The following WASF3 variants were observed in gnomAD, a reference collection of about 807,000 sequenced individuals.
WASF3 encodes WASP family member 3.
WASF3 carries 11 observed loss-of-function variants against 46.6 expected under a neutral mutation model. The observed-to-expected ratio is 0.24, with a 90% CI of 0.15 to 0.39. The LOEUF is 0.39. Ranked by LOEUF, WASF3 falls within the 10% of genes least tolerant of loss-of-function variation. The pLI, the probability that WASF3 is intolerant of heterozygous loss-of-function variation, is 1.00. For synonymous variants in WASF3, 242 were observed against 259.7 expected (o/e 0.93, Z 0.65); for missense variants, 576 against 669.8 (o/e 0.86, Z 1.55).
At chr13:26,628,519 G>A (rs1454042710) in intron 2 of WASF3, among the ~76,000 whole-genome samples, 2 of 152,140 alleles carry the variant, frequency 1.3e-5, no homozygotes, top group African/African-American at 4.8e-5. Flanking sequence ...TGCCAAGGTA[G>A]GATTACAAGT....
chr13:26,680,046 C>A, intron 7 of WASF3: 1 of 1,596,722 alleles, frequency 6.3e-7, no homozygotes, highest in South Asian at 1.1e-5. Context: ...GAGAGAAACA[C>A]AAGCTGAACC....
At chr13:26,649,398 AAAAATTTATTG>A (rs1447529917) in intron 3 of WASF3, among the ~76,000 whole-genome samples, 1 of 152,240 alleles carries the variant, frequency 6.6e-6, no homozygotes, top group African/African-American at 2.4e-5. Flanking sequence ...AGTAGTTATG[AAAAATTTATTG>A]AAGGGGCATC....
At chr13:26,632,958 A>T (rs535424214) in intron 2 of WASF3, among the ~76,000 whole-genome samples, 14 of 152,202 alleles carry the variant, frequency 9.2e-5, no homozygotes, top group African/African-American at 3.1e-4. Context: ...GTTTATTTCC[A>T]TAGAGGTGTT....
chr13:26,566,145 T>A (rs574313167), intron 1 of WASF3, among the ~76,000 whole-genome samples: 2 of 152,256 alleles, frequency 1.3e-5, no homozygotes, highest in African/African-American at 4.8e-5. Flanking sequence ...AATATTGCCC[T>A]GCATTTTAAT....
At chr13:26,635,482 G>C (rs587109) in intron 2 of WASF3, among the ~76,000 whole-genome samples, 1 of 152,224 alleles carries the variant, frequency 6.6e-6, no homozygotes, top group Admixed American at 6.5e-5. Context: ...TCTGAAGCCT[G>C]CTTCTGTCAA....
chr13:26,630,494 C>CT (rs1307440258), intron 2 of WASF3, among the ~76,000 whole-genome samples: 1 of 152,158 alleles, frequency 6.6e-6, no homozygotes, highest in Non-Finnish European at 1.5e-5. Flanking sequence ...TGAACTCATC[C>CT]TTTTTTGTGG....
intron 1 of WASF3, among the ~76,000 whole-genome samples, chr13:26,561,176 G>A (rs1358307426): frequency 6.6e-6 from 1 of 152,172 alleles, no homozygotes; most frequent in Admixed American, 6.5e-5. Context: ...GGAGTTCGGA[G>A]ACCTCTGTGG....
At chr13:26,636,775 A>T (rs982344419) in intron 2 of WASF3, among the ~76,000 whole-genome samples, 2 of 152,196 alleles carry the variant, frequency 1.3e-5, no homozygotes, top group Admixed American at 1.3e-4. Flanking sequence ...CCCACTCAAA[A>T]CTGGCAGCTG....
At chr13:26,580,646 CAG>C (rs1879950953) in intron 1 of WASF3, among the ~76,000 whole-genome samples, 1 of 139,394 alleles carries the variant, frequency 7.2e-6, no homozygotes, top group Non-Finnish European at 1.5e-5. Context: ...TTTTTTGAGA[CAG>C]AGTTTTTGCT....
the WASF3 span, among the ~76,000 whole-genome samples, chr13:26,548,171 C>A: frequency 6.6e-6 from 1 of 152,208 alleles, no homozygotes. Flanking sequence ...ATTTATACAG[C>A]ACCTGATAAA....
chr13:26,671,735 CTT>C (rs1882929589), intron 5 of WASF3, 135 bp from the exon 6 acceptor site: 1 of 505,498 alleles, frequency 2.0e-6, no homozygotes, highest in Non-Finnish European at 3.4e-6. Context: ...AACTTAAAGA[CTT>C]AATATGTGTA....
intron 3 of WASF3, among the ~76,000 whole-genome samples, chr13:26,662,887 A>G (rs890120721): frequency 2.1e-5 from 3 of 146,266 alleles, no homozygotes; most frequent in African/African-American, 7.3e-5. Flanking sequence ...ACACATACAC[A>G]TACACATACA....
intron 2 of WASF3, among the ~76,000 whole-genome samples, chr13:26,615,961 T>C (rs768389707): frequency 6.6e-6 from 1 of 152,204 alleles, no homozygotes; most frequent in East Asian, 1.9e-4. Context: ...TTCCATGTTA[T>C]CATTGAATAG....
At chr13:26,550,112 A>C in the WASF3 span, among the ~76,000 whole-genome samples, 5 of 152,234 alleles carry the variant, frequency 3.3e-5, no homozygotes, top group African/African-American at 1.2e-4. Context: ...TTTTGTAATA[A>C]TATGAAAACA....
intron 1 of WASF3, among the ~76,000 whole-genome samples, chr13:26,575,156 C>T (rs1277104225): frequency 1.3e-5 from 2 of 152,008 alleles, no homozygotes; most frequent in African/African-American, 2.4e-5. Context: ...TATTTTTAAC[C>T]TATCTTTTTA....
intron 1 of WASF3, among the ~76,000 whole-genome samples, chr13:26,579,316 T>C (rs998464553): frequency 1.3e-5 from 2 of 152,046 alleles, no homozygotes; most frequent in Non-Finnish European, 2.9e-5. Context: ...AGGGGAAAGA[T>C]AGTGATGACT....
intron 4 of WASF3, 84 bp from the exon 5 acceptor site, chr13:26,667,433 T>C (rs1882804890): frequency 3.1e-6 from 4 of 1,291,332 alleles, no homozygotes; most frequent in Non-Finnish European, 4.2e-6. Context: ...GGAGGTGTTT[T>C]TAATTGTGAG....
At chr13:26,674,217 C>G (rs1056437964) in intron 6 of WASF3, among the ~76,000 whole-genome samples, 1 of 152,158 alleles carries the variant, frequency 6.6e-6, no homozygotes, top group African/African-American at 2.4e-5. Context: ...AAGAAAGTTG[C>G]AAATATCATA....
chr13:26,608,681 C>T (rs568850739), intron 1 of WASF3, among the ~76,000 whole-genome samples: 16 of 152,152 alleles, frequency 1.1e-4, no homozygotes, highest in African/African-American at 3.6e-4. Flanking sequence ...GGTGCGGAAC[C>T]GTTGTAGCAA....
Sources: allele counts gnomAD v4.1 joint callset (sites outside exome capture counted in the v4.1 genomes callset), GRCh38; gene constraint gnomAD v4.1.1; transcripts MANE v1.5; gene names NCBI Gene and HGNC (gene_info 2026-07-23, HGNC 2026-07-21).